Variants in NOS1AP observed in about 807,000 individuals in gnomAD.
NOS1AP encodes nitric oxide synthase 1 adaptor protein.
In NOS1AP, 21 loss-of-function variants were observed where a neutral mutation model predicts 56.2. The ratio of observed to expected loss-of-function variants is 0.37; its 90% CI spans 0.26 to 0.54. NOS1AP has a LOEUF of 0.54. NOS1AP is among the 20% of genes least tolerant of loss of function. The probability of loss-of-function intolerance (pLI) is 0.84; values close to 1 mark genes in which losing one functional copy is unlikely to be tolerated. For synonymous variants in NOS1AP, 270 were observed against 274.6 expected (o/e 0.98, Z 0.17); for missense variants, 522 against 657.8 (o/e 0.79, Z 2.26).
chr1:162,347,275 A>G (rs1208694105), intron 6 of NOS1AP, among the ~76,000 whole-genome samples: 1 of 152,216 alleles, frequency 6.6e-6, no homozygotes, highest in East Asian at 1.9e-4. Flanking sequence ...GCCACATCCT[A>G]ACTCTCAGAA....
At chr1:162,302,553 T>C (rs924490384) in intron 4 of NOS1AP, among the ~76,000 whole-genome samples, 3 of 152,220 alleles carry the variant, frequency 2.0e-5, no homozygotes, top group Non-Finnish European at 4.4e-5. Flanking sequence ...TCCTTATGGA[T>C]GCTGATCATG....
chr1:162,127,282 CT>C (rs1488452976), intron 1 of NOS1AP, among the ~76,000 whole-genome samples: 2 of 151,982 alleles, frequency 1.3e-5, no homozygotes, highest in East Asian at 3.8e-4. Context: ...TGTTTGAAAA[CT>C]TTTTAAGTTG....
chr1:162,180,704 G>A (rs1048909762), intron 2 of NOS1AP, among the ~76,000 whole-genome samples: 6 of 152,210 alleles, frequency 3.9e-5, no homozygotes, highest in African/African-American at 7.2e-5. Flanking sequence ...TGTAGCTGCC[G>A]GGAACTCAGT....
intron 4 of NOS1AP, among the ~76,000 whole-genome samples, chr1:162,331,833 G>GA (rs1656780037): frequency 8.1e-6 from 1 of 123,958 alleles, no homozygotes; most frequent in Non-Finnish European, 1.8e-5. Flanking sequence ...TGGAGGCCCT[G>GA]GGGGGGCCCT....
intron 2 of NOS1AP, among the ~76,000 whole-genome samples, chr1:162,173,347 G>A (rs533665695): frequency 2.0e-5 from 3 of 152,136 alleles, no homozygotes; most frequent in Admixed American, 6.5e-5. Context: ...AAGTGGTGCT[G>A]GGAAAACTGG....
At chr1:162,286,420 T>C (rs1655090498) in intron 2 of NOS1AP, among the ~76,000 whole-genome samples, 1 of 152,168 alleles carries the variant, frequency 6.6e-6, no homozygotes, top group Non-Finnish European at 1.5e-5. Flanking sequence ...GCAAGTGAAG[T>C]TTGCTAGGCG....
intron 2 of NOS1AP, among the ~76,000 whole-genome samples, chr1:162,185,441 C>T (rs753891033): frequency 1.3e-5 from 2 of 152,164 alleles, no homozygotes; most frequent in Non-Finnish European, 2.9e-5. Context: ...ATACAGATTA[C>T]GTTTGCCTTT....
intron 6 of NOS1AP, among the ~76,000 whole-genome samples, chr1:162,350,063 T>C (rs573852719): frequency 6.6e-6 from 1 of 152,354 alleles, no homozygotes; most frequent in African/African-American, 2.4e-5. Flanking sequence ...ACTAAGATTG[T>C]TGCCTAATGG....
intron 3 of NOS1AP, among the ~76,000 whole-genome samples, chr1:162,292,838 T>C (rs1181240678): frequency 6.6e-6 from 1 of 152,206 alleles, no homozygotes; most frequent in Non-Finnish European, 1.5e-5. Context: ...CTCAGAATTA[T>C]AGAACCAGAA....
At chr1:162,289,223 T>TC (rs1311428525) in intron 3 of NOS1AP, among the ~76,000 whole-genome samples, 29 of 28,376 alleles carry the variant, frequency 1.0e-3, no homozygotes, top group Admixed American at 2.4e-3. Context: ...CTTCCTTCCT[T>TC]CCTTCCTTCC....
At chr1:162,153,581 T>C (rs1649807275) in intron 1 of NOS1AP, among the ~76,000 whole-genome samples, 1 of 152,340 alleles carries the variant, frequency 6.6e-6, no homozygotes, top group East Asian at 1.9e-4. Flanking sequence ...TTATATGTAA[T>C]GTAATAGTCC....
At chr1:162,357,998 A>G (rs1657757261) in intron 8 of NOS1AP, among the ~76,000 whole-genome samples, 1 of 152,176 alleles carries the variant, frequency 6.6e-6, no homozygotes, top group South Asian at 2.1e-4. Context: ...GGGCCTGATG[A>G]GTGCATGAAG....
At chr1:162,118,359 G>A (rs1648057662) in intron 1 of NOS1AP, among the ~76,000 whole-genome samples, 1 of 152,158 alleles carries the variant, frequency 6.6e-6, no homozygotes, top group African/African-American at 2.4e-5. Context: ...GTAGTATTTG[G>A]TTTTTCCATT....
chr1:162,300,653 G>A lies in NOS1AP; in HGVS notation c.291G>A (p.Lys97=), dbSNP rs775284971. 9 of 1,613,922 alleles carry A rather than the reference G, an allele frequency of 5.6e-6. No homozygotes were observed. Among genetic ancestry groups the A allele is most frequent in the East Asian group, 2.2e-5 (1 of 44,898 alleles). ...TACAGCTTCTTTTATTGCAGAAAAA[G>A]GAATGGACGTGGGATGAGAGCAAGA... The part of the protein sequence containing the change: ...KKKKLLLLQK[K]EWTWDESKML... The change falls in exon 4 of 10, where the codon AAG becomes AAA. Residue 97 remains lysine, a synonymous_variant. Coordinates refer to ENST00000361897, the MANE Select transcript of NOS1AP (RefSeq NM_014697.3).
At chr1:162,134,985 G>A (rs1248081683) in intron 1 of NOS1AP, among the ~76,000 whole-genome samples, 2 of 152,188 alleles carry the variant, frequency 1.3e-5, no homozygotes, top group East Asian at 3.9e-4. Flanking sequence ...GCACGCTGAT[G>A]TTCCTGCCTA....
intron 1 of NOS1AP, among the ~76,000 whole-genome samples, chr1:162,104,671 T>C (rs760808990): frequency 2.0e-5 from 3 of 152,326 alleles, no homozygotes; most frequent in Admixed American, 6.5e-5. Flanking sequence ...GTCTCTGAGA[T>C]TCTTTCTTTC....
chr1:162,161,841 A>G (rs1650239124), intron 2 of NOS1AP, among the ~76,000 whole-genome samples: 1 of 152,252 alleles, frequency 6.6e-6, no homozygotes, highest in Non-Finnish European at 1.5e-5. Flanking sequence ...CATTGGGGTC[A>G]GAAAACCATA....
At chr1:162,072,827 A>G (rs1216528589) in intron 1 of NOS1AP, among the ~76,000 whole-genome samples, 1 of 152,212 alleles carries the variant, frequency 6.6e-6, no homozygotes, top group African/African-American at 2.4e-5. Context: ...CAACTGCACA[A>G]TCACTGGGAT....
At chr1:162,235,329 T>C (rs1653256371) in intron 2 of NOS1AP, among the ~76,000 whole-genome samples, 1 of 152,188 alleles carries the variant, frequency 6.6e-6, no homozygotes, top group African/African-American at 2.4e-5. Flanking sequence ...GCATGACCCT[T>C]ACTGGGAAGC....
Sources: gnomAD v4.1 joint callset for allele counts (sites outside exome capture counted in the v4.1 genomes callset) on GRCh38, gnomAD v4.1.1 for gene constraint, MANE v1.5 for transcripts, NCBI Gene and HGNC (gene_info 2026-07-23, HGNC 2026-07-21) for gene names.